Variants in CHD9 observed in about 807,000 individuals in gnomAD.
The protein encoded by CHD9 is chromodomain helicase DNA binding protein 9, also known as ATP-dependent chromatin remodeler CHD9.
In CHD9, 77 loss-of-function variants were observed where a neutral mutation model predicts 316.1. The observed-to-expected ratio is 0.24, with a 90% CI of 0.20 to 0.29. The LOEUF is 0.29. Among genes scored for constraint, CHD9 ranks in the 10% least tolerant of loss-of-function variants. The probability of loss-of-function intolerance (pLI) is 1.00; values close to 1 mark genes in which losing one functional copy is unlikely to be tolerated. For missense variants in CHD9, 2,763 were observed against 3,438.1 expected (o/e 0.80, Z 4.91); for synonymous variants, 1,129 against 1,158.3 (o/e 0.97, Z 0.51).
At chr16:53,286,454 G>A (rs1457519442) in intron 26 of CHD9, 111 bp downstream of exon 26, 90 of 622,584 alleles carry the variant, frequency 1.4e-4, no homozygotes, top group South Asian at 7.1e-4. Flanking sequence ...AAGGGAATTG[G>A]AGTTTACAAT....
chr16:53,301,895 G>C (rs576542190), intron 30 of CHD9, among the ~76,000 whole-genome samples: 7 of 151,632 alleles, frequency 4.6e-5, no homozygotes, highest in African/African-American at 1.7e-4. Flanking sequence ...CTCCCGAGTA[G>C]CTGGGACTAC....
At chr16:53,146,894 A>G (rs1442571258) in intron 1 of CHD9, among the ~76,000 whole-genome samples, 1 of 152,054 alleles carries the variant, frequency 6.6e-6, no homozygotes, top group African/African-American at 2.4e-5. Flanking sequence ...TGTCCAAATA[A>G]TCACTGTTGC....
At chr16:53,315,350 AAAT>A (rs1342772828) in intron 36 of CHD9, among the ~76,000 whole-genome samples, 1 of 152,246 alleles carries the variant, frequency 6.6e-6, no homozygotes, top group African/African-American at 2.4e-5. Flanking sequence ...GTTTATTTTA[AAAT>A]AATAATGATT....
chr16:53,237,549 A>C (rs1567536080), intron 11 of CHD9, among the ~76,000 whole-genome samples: 1 of 152,064 alleles, frequency 6.6e-6, no homozygotes, highest in Non-Finnish European at 1.5e-5. Context: ...ACCATAGAAC[A>C]ACTTTTGGTC....
chr16:53,215,369 G>GT (rs1245912220), intron 3 of CHD9, among the ~76,000 whole-genome samples: 1 of 152,178 alleles, frequency 6.6e-6, no homozygotes, highest in Non-Finnish European at 1.5e-5. Flanking sequence ...TAAACAGGAA[G>GT]TAATAGTCTA....
intron 3 of CHD9, among the ~76,000 whole-genome samples, chr16:53,219,867 C>T (rs2047091550): frequency 6.6e-6 from 1 of 152,168 alleles, no homozygotes; most frequent in South Asian, 2.1e-4. Context: ...CATGTAAAGT[C>T]AGCACAGAGG....
chr16:53,153,692 A>G (rs558423292), intron 1 of CHD9, among the ~76,000 whole-genome samples: 57 of 149,796 alleles, frequency 3.8e-4, no homozygotes, highest in African/African-American at 1.4e-3. Context: ...TGCCTGGCTA[A>G]TTTTTTTTTT....
rs562968579 is a variant in CHD9 at position 53,300,457 on chromosome 16, A to G, written c.5714-3263A>G. Among the ~76,000 whole-genome samples, 13 of 152,362 alleles carry G rather than the reference A, an allele frequency of 8.5e-5. 1 individual carries two copies. The South Asian group carries it at 2.7e-3, about 32-fold the overall frequency. ...TGGTTTTTTCAAAAAAGGAAGATTA[A>G]CATAGGTATTATAGAAGCAGAACTG... On this transcript the variant is annotated intron_variant, in intron 30 of 38. Coordinates refer to ENST00000447540, the MANE Select transcript of CHD9 (RefSeq NM_001308319.2).
intron 1 of CHD9, among the ~76,000 whole-genome samples, chr16:53,127,051 C>T (rs2039001906): frequency 6.6e-6 from 1 of 151,914 alleles, no homozygotes; most frequent in Non-Finnish European, 1.5e-5. Flanking sequence ...ACCTCCTGGG[C>T]TCAAGTGATC....
intron 1 of CHD9, among the ~76,000 whole-genome samples, chr16:53,096,507 T>C (rs553384616): frequency 6.6e-6 from 1 of 152,290 alleles, no homozygotes; most frequent in East Asian, 1.9e-4. Context: ...ATAAGTTAAG[T>C]TCTATACTAC....
chr16:53,146,477 ATACTT>A (rs1160586167), intron 1 of CHD9, among the ~76,000 whole-genome samples: 1 of 141,790 alleles, frequency 7.1e-6, no homozygotes, highest in Non-Finnish European at 1.5e-5. Flanking sequence ...CAATGAGAAT[ATACTT>A]AACACTACCG....
At chr16:53,247,199 AG>A in intron 15 of CHD9, 93 bp from the exon 16 acceptor site, 1 of 814,496 alleles carries the variant, frequency 1.2e-6, no homozygotes, top group Admixed American at 2.6e-5. Flanking sequence ...ATGTTACAGA[AG>A]CACACAGGAG....
chr16:53,112,014 A>G (rs2037908493), intron 1 of CHD9, among the ~76,000 whole-genome samples: 1 of 152,182 alleles, frequency 6.6e-6, no homozygotes, highest in African/African-American at 2.4e-5. Flanking sequence ...GAGGTTAAAA[A>G]CTTGTCTTGA....
chr16:53,203,809 G>A (rs2045644919), intron 2 of CHD9, among the ~76,000 whole-genome samples: 1 of 151,726 alleles, frequency 6.6e-6, no homozygotes, highest in African/African-American at 2.4e-5. Context: ...AGATCACGAG[G>A]TCAGGAGATC....
intron 33 of CHD9, 26 bp from the exon 34 acceptor site, chr16:53,308,660 T>A (rs765967475): frequency 6.3e-7 from 1 of 1,575,682 alleles, no homozygotes; most frequent in Non-Finnish European, 8.7e-7. Flanking sequence ...ACAGTTTCTG[T>A]CTTAATAATG....
intron 1 of CHD9, among the ~76,000 whole-genome samples, chr16:53,113,867 G>A (rs1412628712): frequency 6.6e-6 from 1 of 151,900 alleles, no homozygotes; most frequent in Admixed American, 6.6e-5. Context: ...ACCACGCCTG[G>A]CTATGTATGT....
At chr16:53,083,153 G>GT (rs2035176678) in intron 1 of CHD9, among the ~76,000 whole-genome samples, 1 of 152,230 alleles carries the variant, frequency 6.6e-6, no homozygotes, top group Admixed American at 6.5e-5. Context: ...GGAGGGTATT[G>GT]TATTTCCTGA....
chr16:53,127,694 G>C (rs922452424), intron 1 of CHD9, among the ~76,000 whole-genome samples: 1 of 152,152 alleles, frequency 6.6e-6, no homozygotes, highest in Non-Finnish European at 1.5e-5. Context: ...GCTGAGGTGG[G>C]TGGATCATTT....
chr16:53,315,548 G>A (rs1161554073), intron 36 of CHD9, among the ~76,000 whole-genome samples: 2 of 151,940 alleles, frequency 1.3e-5, no homozygotes, highest in Admixed American at 6.6e-5. Flanking sequence ...ACGTGATCTC[G>A]GCTCACTTCA....
Sources: allele counts gnomAD v4.1 joint callset (sites outside exome capture counted in the v4.1 genomes callset), GRCh38; gene constraint gnomAD v4.1.1; transcripts MANE v1.5; gene names NCBI Gene and HGNC (gene_info 2026-07-23, HGNC 2026-07-21).